LPP: variants seen among roughly 807,000 people sequenced by gnomAD.
LPP encodes the protein LIM domain containing preferred translocation partner in lipoma.
A neutral mutation model predicts 60.4 loss-of-function variants in LPP; 38 were observed. That is an observed-to-expected ratio of 0.63 (90% CI 0.49 to 0.83). The LOEUF (loss-of-function observed/expected upper bound fraction) is 0.83, where lower values mean the gene tolerates loss of function less well. Ranked by LOEUF, LPP falls within the 40% of genes least tolerant of loss-of-function variation. The pLI, the probability that LPP is intolerant of heterozygous loss-of-function variation, is 0.00. For synonymous variants in LPP, 328 were observed against 290.8 expected, an observed-to-expected ratio of 1.13 and a Z score of -1.30; for missense variants, 902 against 783.6, an observed-to-expected ratio of 1.15 and a Z score of -1.80.
intron 4 of LPP, among the ~76,000 whole-genome samples, chr3:188,449,597 A>G (rs1309858518): frequency 6.6e-6 from 1 of 152,108 alleles, no homozygotes; most frequent in East Asian, 1.9e-4. Flanking sequence ...GTAACTTTCT[A>G]AGCTCACATA....
intron 2 of LPP, among the ~76,000 whole-genome samples, chr3:188,241,052 T>G (rs1234299396): frequency 6.6e-6 from 1 of 152,202 alleles, no homozygotes; most frequent in Admixed American, 6.5e-5. Flanking sequence ...ACAGTGAGAA[T>G]GTCCCTACAT....
At position 188,872,710 on chromosome 3, in the gene LPP, G is replaced by C. The variant is rs1236077191; in HGVS notation, c.1657G>C (p.Val553Leu). 6 of 1,614,070 alleles carry C rather than the reference G, an allele frequency of 3.7e-6. No homozygotes were observed. In the African/African-American group the frequency reaches 6.7e-5, roughly 18 times the overall value. Residue 553 changes from valine (V) to leucine (L), a missense_variant, in exon 11 of 12, where the codon GTC (valine) becomes CTC (leucine). Coordinates refer to ENST00000617246, the MANE Select transcript of LPP (RefSeq NM_001375462.1). ...GCCAGCCCCGGGCCAGGAGGAGACT[G>C]TCCGTATTGTGGCTTTGGATCGAGA... ...IMPAPGQEETVRIVALDRDFH... is the reference protein window; with the variant it reads ...IMPAPGQEETLRIVALDRDFH...
intron 9 of LPP, among the ~76,000 whole-genome samples, chr3:188,777,168 A>C (rs1277756015): frequency 6.6e-6 from 1 of 152,226 alleles, no homozygotes; most frequent in African/African-American, 2.4e-5. Flanking sequence ...ATTCACAACA[A>C]TCCTACAAGG....
At chr3:188,223,817 T>C (rs559230690) in intron 1 of LPP, among the ~76,000 whole-genome samples, 1 of 152,286 alleles carries the variant, frequency 6.6e-6, no homozygotes, top group Admixed American at 6.5e-5. Context: ...GAAATTGCAT[T>C]GTTCACAGGT....
chr3:188,664,702 A>G (rs1030167151), intron 7 of LPP, among the ~76,000 whole-genome samples: 13 of 152,158 alleles, frequency 8.5e-5, no homozygotes, highest in Admixed American at 7.2e-4. Flanking sequence ...AACAAAAAAT[A>G]TTTAAATAAC....
chr3:188,800,372 A>T (rs1254496491), intron 9 of LPP, among the ~76,000 whole-genome samples: 1 of 149,890 alleles, frequency 6.7e-6, no homozygotes, highest in Admixed American at 6.7e-5. Context: ...CAGCCTCCCG[A>T]GTAGCTGGGA....
chr3:188,384,563 G>A (rs1777728762), intron 3 of LPP, among the ~76,000 whole-genome samples: 3 of 151,922 alleles, frequency 2.0e-5, no homozygotes, highest in Non-Finnish European at 2.9e-5. Context: ...AGGCTGAGGC[G>A]GGCAGATCAT....
intron 7 of LPP, among the ~76,000 whole-genome samples, chr3:188,705,487 A>AT (rs1381141984): frequency 6.6e-6 from 1 of 152,090 alleles, no homozygotes; most frequent in Non-Finnish European, 1.5e-5. Flanking sequence ...CTTCTGTACA[A>AT]TTTTCCTGGA....
chr3:188,618,963 A>G lies in LPP; in HGVS notation c.1113+9119A>G, dbSNP rs75220065. On this transcript the variant is annotated intron_variant, in intron 7 of 11. Coordinates refer to ENST00000617246, the MANE Select transcript of LPP (RefSeq NM_001375462.1). ...TAATGCAATTTTAACATAAGTCTGA[A>G]TAAGTTTACTATAGATGATATTAGT... Among the ~76,000 whole-genome samples, 456 of 152,282 alleles carry G rather than the reference A, an allele frequency of 3.0e-3. 3 individuals are homozygous for G. Among genetic ancestry groups the G allele is most frequent in the African/African-American group, 0.011 (438 of 41,562 alleles).
intron 4 of LPP, among the ~76,000 whole-genome samples, chr3:188,467,640 G>A (rs757734866): frequency 1.3e-5 from 2 of 152,090 alleles, no homozygotes; most frequent in African/African-American, 2.4e-5. Flanking sequence ...TGGGCCCAAC[G>A]CTATTACAAG....
chr3:188,393,921 G>A (rs1442524666), intron 3 of LPP, among the ~76,000 whole-genome samples: 1 of 152,110 alleles, frequency 6.6e-6, no homozygotes, highest in Non-Finnish European at 1.5e-5. Flanking sequence ...GGGCAATAAT[G>A]CATTTTATGC....
Position 188,874,501 on chromosome 3 carries a change from G to A in LPP, c.*22G>A, listed in dbSNP as rs747367823. On this transcript the variant is annotated 3_prime_UTR_variant, in exon 12 of 12. Transcript: ENST00000617246. ...TTAGATTCAGTCACCTGTTCAGCCG[G>A]CACTGAGAAGAACGAACACAAGAAA... The A allele has an allele frequency of 2.5e-6, 4 of 1,608,420 alleles. No homozygotes were observed. The highest frequency in any genetic ancestry group is 2.7e-5 in the African/African-American group (2 of 74,828).
intron 1 of LPP, among the ~76,000 whole-genome samples, chr3:188,189,548 A>G (rs930602391): frequency 2.0e-5 from 3 of 152,230 alleles, no homozygotes; most frequent in African/African-American, 7.2e-5. Context: ...CAAATTCCAC[A>G]TCTATAAAAT....
At chr3:188,669,107 G>A (rs1856411407) in intron 7 of LPP, among the ~76,000 whole-genome samples, 1 of 152,190 alleles carries the variant, frequency 6.6e-6, no homozygotes, top group Non-Finnish European at 1.5e-5. Context: ...AAATTGAGAA[G>A]GGAAGTGAGT....
intron 8 of LPP, among the ~76,000 whole-genome samples, chr3:188,719,894 G>A (rs1377970553): frequency 6.6e-6 from 1 of 151,340 alleles, no homozygotes; most frequent in Non-Finnish European, 1.5e-5. Flanking sequence ...AGTTGTACTT[G>A]GTAGGCATCT....
chr3:188,523,096 C>T (rs1439667099), intron 5 of LPP, among the ~76,000 whole-genome samples: 4 of 151,702 alleles, frequency 2.6e-5, no homozygotes, highest in Non-Finnish European at 5.9e-5. Flanking sequence ...TTAGTGGAGA[C>T]GGGTTTCACC....
At chr3:188,347,096 G>T (rs2150744278) in intron 3 of LPP, among the ~76,000 whole-genome samples, 1 of 152,246 alleles carries the variant, frequency 6.6e-6, no homozygotes, top group African/African-American at 2.4e-5. Flanking sequence ...TGAGTAATTT[G>T]CCCAAAGTTT....
At chr3:188,613,313 T>TATCTATATCTAA (rs1844211010) in intron 7 of LPP, among the ~76,000 whole-genome samples, 1 of 151,482 alleles carries the variant, frequency 6.6e-6, no homozygotes, top group African/African-American at 2.4e-5. Context: ...TCTATATCTA[T>TATCTATATCTAA]ATATATCGCT....
chr3:188,276,695 TTCTCTCTCTC>T (rs768545804), intron 2 of LPP, among the ~76,000 whole-genome samples: 1 of 16,404 alleles, frequency 6.1e-5, no homozygotes, highest in African/African-American at 4.4e-4. Context: ...CTCTCTCTCT[TTCTCTCTCTC>T]TCTCTCTCTC....
Sources: allele counts gnomAD v4.1 joint callset (sites outside exome capture counted in the v4.1 genomes callset), GRCh38; gene constraint gnomAD v4.1.1; transcripts MANE v1.5; gene names NCBI Gene and HGNC (gene_info 2026-07-23, HGNC 2026-07-21).